The following DLGAP4 variants were observed in gnomAD, a reference collection of about 807,000 sequenced individuals.
DLGAP4 encodes disks large-associated protein 4.
In DLGAP4, 18 loss-of-function variants were observed where a neutral mutation model predicts 86.9. That is an observed-to-expected ratio of 0.21 (90% confidence interval 0.14 to 0.31). The LOEUF (loss-of-function observed/expected upper bound fraction) is 0.31. Among genes scored for constraint, DLGAP4 ranks in the 10% least tolerant of loss-of-function variants. The probability of loss-of-function intolerance (pLI) is 1.00; values close to 1 mark genes in which losing one functional copy is unlikely to be tolerated. For missense variants in DLGAP4, 1,085 were observed against 1,362.6 expected (o/e 0.80, Z 3.21); for synonymous variants, 548 against 574.3 (o/e 0.95, Z 0.65).
At chr20:36,438,703 C>CTTTT (rs35909803) in intron 4 of DLGAP4, among the ~76,000 whole-genome samples, 6 of 69,554 alleles carry the variant, frequency 8.6e-5, no homozygotes, top group African/African-American at 2.3e-4. Context: ...GTTTCCCCAT[C>CTTTT]TTTTTTTTTT....
At chr20:36,480,328 G>C (rs1361765314) in intron 7 of DLGAP4, among the ~76,000 whole-genome samples, 1 of 152,204 alleles carries the variant, frequency 6.6e-6, no homozygotes, top group Non-Finnish European at 1.5e-5. Flanking sequence ...CCTGGTGTTA[G>C]TCCTCACAAG....
At chr20:36,354,810 C>T (rs1203553909) in intron 1 of DLGAP4, among the ~76,000 whole-genome samples, 2 of 151,954 alleles carry the variant, frequency 1.3e-5, no homozygotes, top group Admixed American at 6.6e-5. Flanking sequence ...GGCGTGGTGG[C>T]GTGTGCCTGT....
chr20:36,311,232 G>A (rs2065050268), intron 1 of DLGAP4, among the ~76,000 whole-genome samples: 1 of 148,298 alleles, frequency 6.7e-6, no homozygotes, highest in Non-Finnish European at 1.5e-5. Flanking sequence ...CACTCGGAGG[G>A]TGGGGGGGGT....
chr20:36,453,955 A>G (rs1215944630), intron 7 of DLGAP4, among the ~76,000 whole-genome samples: 1 of 148,080 alleles, frequency 6.8e-6, no homozygotes, highest in African/African-American at 2.5e-5. Context: ...AAAAAAAAAA[A>G]AGAAAGAAAG....
chr20:36,463,161 C>T (rs148979690), intron 7 of DLGAP4, among the ~76,000 whole-genome samples: 3 of 152,260 alleles, frequency 2.0e-5, no homozygotes, highest in East Asian at 1.9e-4. Context: ...ACTTCTTAAT[C>T]TGACCACCCT....
At chr20:36,473,436 G>C (rs190142010) in intron 7 of DLGAP4, among the ~76,000 whole-genome samples, 1 of 152,250 alleles carries the variant, frequency 6.6e-6, no homozygotes, top group African/African-American at 2.4e-5. Context: ...CTATTAAGTT[G>C]AATTTGGTTC....
At chr20:36,395,745 C>T (rs1400114619) in intron 2 of DLGAP4, among the ~76,000 whole-genome samples, 2 of 152,092 alleles carry the variant, frequency 1.3e-5, no homozygotes, top group East Asian at 1.9e-4. Context: ...GTGATCCGCC[C>T]GCCTCGGCCT....
chr20:36,388,715 G>T (rs2031687182), intron 2 of DLGAP4, among the ~76,000 whole-genome samples: 1 of 152,218 alleles, frequency 6.6e-6, no homozygotes, highest in Non-Finnish European at 1.5e-5. Flanking sequence ...CTACCTCAGA[G>T]GGTTGATGAG....
chr20:36,523,316 G>C (rs937010110), intron 10 of DLGAP4, among the ~76,000 whole-genome samples: 10 of 152,156 alleles, frequency 6.6e-5, no homozygotes, highest in African/African-American at 2.4e-4. Flanking sequence ...TTTAAAACTA[G>C]AAGTCATAAT....
chr20:36,348,439 A>G (rs1393219253), intron 1 of DLGAP4, among the ~76,000 whole-genome samples: 1 of 151,216 alleles, frequency 6.6e-6, no homozygotes, highest in African/African-American at 2.4e-5. Flanking sequence ...CTTTTTTGAG[A>G]TGGAGTTTCT....
At chr20:36,372,958 G>T (rs2031002256) in intron 2 of DLGAP4, among the ~76,000 whole-genome samples, 1 of 152,164 alleles carries the variant, frequency 6.6e-6, no homozygotes, top group African/African-American at 2.4e-5. Flanking sequence ...AGGATTTGCA[G>T]GGAGGAACAG....
At chr20:36,366,797 G>A (rs1190414969) in intron 1 of DLGAP4, among the ~76,000 whole-genome samples, 11 of 152,206 alleles carry the variant, frequency 7.2e-5, no homozygotes, top group African/African-American at 2.7e-4. Context: ...GGATTCTGTG[G>A]GTGGTGGGAA....
chr20:36,492,130 C>T (rs1019955471), intron 7 of DLGAP4, among the ~76,000 whole-genome samples: 4 of 152,096 alleles, frequency 2.6e-5, no homozygotes, highest in African/African-American at 9.7e-5. Flanking sequence ...AGGAAGTGGC[C>T]GGGGTGAGGT....
At chr20:36,471,582 C>T (rs1408277695) in intron 7 of DLGAP4, among the ~76,000 whole-genome samples, 1 of 152,216 alleles carries the variant, frequency 6.6e-6, no homozygotes, top group Admixed American at 6.5e-5. Flanking sequence ...CACTGAACCT[C>T]AGTTTTCCTC....
chr20:36,412,144 G>T (rs569482540), intron 2 of DLGAP4, among the ~76,000 whole-genome samples: 1 of 152,250 alleles, frequency 6.6e-6, no homozygotes, highest in Non-Finnish European at 1.5e-5. Flanking sequence ...TGAATTAAAT[G>T]TGCTGGCAAT....
intron 1 of DLGAP4, among the ~76,000 whole-genome samples, chr20:36,342,432 G>A (rs2065392535): frequency 6.6e-6 from 1 of 152,182 alleles, no homozygotes; most frequent in South Asian, 2.1e-4. Context: ...TGGGGCTGGA[G>A]GCCTCAGCCC....
rs1300188769 is a variant in DLGAP4, at chr20:36,359,887, C to T, written c.-303-7158C>T. Among the ~76,000 whole-genome samples, 5 of 152,228 alleles carry T rather than the reference C, an allele frequency of 3.3e-5. No homozygotes were observed. In the East Asian group the frequency reaches 9.7e-4, roughly 29 times the overall value. On this transcript the variant is annotated intron_variant, in intron 1 of 12. Transcript: ENST00000339266. ...CTGGGGGCTGATCTGGAGCAGTGGC[C>T]AGTGGGTGTGACTGGCTTGGAGCAG...
At chr20:36,386,602 G>A (rs1053890055) in intron 2 of DLGAP4, among the ~76,000 whole-genome samples, 2 of 152,080 alleles carry the variant, frequency 1.3e-5, no homozygotes, top group African/African-American at 2.4e-5. Context: ...GGGGGAAGGG[G>A]GAGACAGGGT....
intron 7 of DLGAP4, chr20:36,461,695 C>CCCTCGCCCTCCTCCT (rs2034068916): frequency 1.6e-6 from 1 of 609,688 alleles, no homozygotes; most frequent in Non-Finnish European, 2.0e-6. Context: ...CCCGCCCCCG[C>CCCTCGCCCTCCTCCT]CCTCGCCCTC....
Sources: gnomAD v4.1 joint callset for allele counts (sites outside exome capture counted in the v4.1 genomes callset) on GRCh38, gnomAD v4.1.1 for gene constraint, MANE v1.5 for transcripts, NCBI Gene and HGNC (gene_info 2026-07-23, HGNC 2026-07-21) for gene names.